The following ANKS1B variants were observed in gnomAD, a reference collection of about 807,000 sequenced individuals.
ANKS1B encodes ankyrin repeat and sterile alpha motif domain-containing protein 1B.
Under a neutral mutation model 148.3 loss-of-function variants are expected in ANKS1B, and 36 were observed. The observed-to-expected ratio is 0.24, with a 90% CI of 0.19 to 0.32. The LOEUF (loss-of-function observed/expected upper bound fraction) is 0.32. ANKS1B is among the 10% of genes least tolerant of loss of function. The probability of loss-of-function intolerance (pLI) is 1.00; values close to 1 mark genes in which losing one functional copy is unlikely to be tolerated. For missense variants in ANKS1B, 1,157 were observed against 1,542.6 expected, an observed-to-expected ratio of 0.75 and a Z score of 4.19; for synonymous variants, 542 against 560.8, an observed-to-expected ratio of 0.97 and a Z score of 0.47.
chr12:99,966,904 T>C (rs762967065), intron 1 of ANKS1B, among the ~76,000 whole-genome samples: 13 of 152,088 alleles, frequency 8.5e-5, no homozygotes, highest in Non-Finnish European at 1.5e-4. Flanking sequence ...AAATACTAAA[T>C]CTTTGGTGAC....
At chr12:99,697,734 T>C (rs997144658) in intron 8 of ANKS1B, among the ~76,000 whole-genome samples, 2 of 152,118 alleles carry the variant, frequency 1.3e-5, no homozygotes, top group African/African-American at 4.8e-5. Context: ...ATATAAACAA[T>C]GAACTTTAGT....
chr12:99,970,677 T>C (rs186677615), intron 1 of ANKS1B, among the ~76,000 whole-genome samples: 13 of 152,334 alleles, frequency 8.5e-5, no homozygotes, highest in African/African-American at 2.6e-4. Flanking sequence ...CTATATTCTA[T>C]ATTTTCACAC....
intron 1 of ANKS1B, among the ~76,000 whole-genome samples, chr12:99,909,969 A>C (rs1357721512): frequency 6.6e-6 from 1 of 152,248 alleles, no homozygotes; most frequent in Admixed American, 6.5e-5. Flanking sequence ...TCCACCTAGA[A>C]TAGAGCTGAA....
intron 24 of ANKS1B, among the ~76,000 whole-genome samples, chr12:98,776,969 T>C (rs1261820250): frequency 1.3e-5 from 2 of 152,214 alleles, no homozygotes; most frequent in African/African-American, 2.4e-5. Flanking sequence ...GGCAGAAATA[T>C]TGCTTGAAGC....
At chr12:99,279,734 T>C (rs2078148144) in intron 12 of ANKS1B, among the ~76,000 whole-genome samples, 1 of 152,020 alleles carries the variant, frequency 6.6e-6, no homozygotes, top group Non-Finnish European at 1.5e-5. Context: ...TAATTAGGGG[T>C]TGGGCATGGT....
intron 17 of ANKS1B, among the ~76,000 whole-genome samples, chr12:98,949,242 G>A (rs915645669): frequency 1.4e-4 from 21 of 151,966 alleles, no homozygotes; most frequent in Admixed American, 5.2e-4. Flanking sequence ...ACGAGCCACC[G>A]CACACGGCCA....
rs569283540 is a variant in ANKS1B, at chr12:98,822,277, AT to A, written c.3066+6896del. On this transcript the variant is annotated intron_variant, in intron 19 of 26. Coordinates refer to ENST00000683438, the MANE Select transcript of ANKS1B (RefSeq NM_001352186.2). ...CTAGATGTTAAAAAACCTTCTTTTT[AT>A]TTTTTTTACCACTGGAAAAAGAAAG... 4.4e-3 allele frequency among the ~76,000 whole-genome samples: 662 copies of A among 152,054 alleles called. 4 individuals carry two copies. The highest frequency in any genetic ancestry group is 4.3e-3 in the Non-Finnish European group (291 of 67,956).
At chr12:99,927,331 C>T (rs2153804312) in intron 1 of ANKS1B, among the ~76,000 whole-genome samples, 1 of 152,252 alleles carries the variant, frequency 6.6e-6, no homozygotes, top group Non-Finnish European at 1.5e-5. Context: ...CAGTAAATTC[C>T]TACTGCATGT....
chr12:99,565,329 G>A (rs1159929942), intron 9 of ANKS1B, among the ~76,000 whole-genome samples: 1 of 152,106 alleles, frequency 6.6e-6, no homozygotes, highest in Non-Finnish European at 1.5e-5. Context: ...TGCAGCTCCT[G>A]GGGCACAAAT....
intron 9 of ANKS1B, among the ~76,000 whole-genome samples, chr12:99,569,829 C>T (rs2153221388): frequency 6.6e-6 from 1 of 152,304 alleles, no homozygotes. Flanking sequence ...CAGCTTCTCC[C>T]TCGGTCCAAT....
intron 9 of ANKS1B, among the ~76,000 whole-genome samples, chr12:99,638,823 C>T (rs1187107210): frequency 6.6e-6 from 1 of 152,172 alleles, no homozygotes; most frequent in Non-Finnish European, 1.5e-5. Flanking sequence ...GTCCAGGGTC[C>T]CCCGTGCTGC....
At chr12:99,961,948 G>A (rs761250267) in intron 1 of ANKS1B, among the ~76,000 whole-genome samples, 5 of 152,190 alleles carry the variant, frequency 3.3e-5, no homozygotes, top group Admixed American at 6.5e-5. Context: ...AAGGTCCTAC[G>A]TTATTAGAGG....
intron 11 of ANKS1B, among the ~76,000 whole-genome samples, chr12:99,437,657 T>C (rs1459190150): frequency 6.6e-6 from 1 of 151,960 alleles, no homozygotes; most frequent in Admixed American, 6.6e-5. Flanking sequence ...CAACTGCTAA[T>C]GTTAGTTTGT....
intron 12 of ANKS1B, among the ~76,000 whole-genome samples, chr12:99,356,162 G>A (rs73149196): frequency 0.11 from 17,087 of 152,072 alleles, 964 homozygotes; most frequent in Non-Finnish European, 0.13. Context: ...GATGCCCAAC[G>A]AAGACGCTTG....
intron 8 of ANKS1B, among the ~76,000 whole-genome samples, chr12:99,716,014 G>A (rs185381322): frequency 2.6e-5 from 4 of 152,216 alleles, no homozygotes; most frequent in Admixed American, 2.0e-4. Flanking sequence ...GTCTGACCAC[G>A]CAGGGATGCC....
At chr12:99,660,813 T>C (rs753077170) in intron 8 of ANKS1B, among the ~76,000 whole-genome samples, 3 of 152,166 alleles carry the variant, frequency 2.0e-5, no homozygotes, top group Non-Finnish European at 2.9e-5. Context: ...AAATTCTTAA[T>C]ATGATCCAAA....
At chr12:99,556,962 T>C (rs1309252061) in intron 9 of ANKS1B, among the ~76,000 whole-genome samples, 2 of 152,212 alleles carry the variant, frequency 1.3e-5, no homozygotes, top group Non-Finnish European at 2.9e-5. Flanking sequence ...ATTAAGTCCA[T>C]TTAGTCAAGT....
At chr12:99,742,645 C>T (rs995541113) in intron 8 of ANKS1B, among the ~76,000 whole-genome samples, 3 of 151,304 alleles carry the variant, frequency 2.0e-5, no homozygotes, top group Admixed American at 6.6e-5. Context: ...CCAGCCTGAC[C>T]AACACGGTGA....
intron 12 of ANKS1B, among the ~76,000 whole-genome samples, chr12:99,368,864 C>T (rs548032248): frequency 6.6e-6 from 1 of 152,136 alleles, no homozygotes; most frequent in African/African-American, 2.4e-5. Context: ...GTCGCCAATA[C>T]CCATTTTATT....
Sources: allele counts gnomAD v4.1 joint callset (sites outside exome capture counted in the v4.1 genomes callset), GRCh38; gene constraint gnomAD v4.1.1; transcripts MANE v1.5; gene names NCBI Gene and HGNC (gene_info 2026-07-23, HGNC 2026-07-21).